Variants in DOK6 observed in about 807,000 individuals in gnomAD.
DOK6 encodes downstream of tyrosine kinase 6.
In DOK6, 22 loss-of-function variants were observed where a neutral mutation model predicts 44.0. That is an observed-to-expected ratio of 0.50 (90% CI 0.36 to 0.71). The LOEUF (loss-of-function observed/expected upper bound fraction) is 0.71, where lower values mean the gene tolerates loss of function less well. DOK6 is among the 30% of genes least tolerant of loss of function. The pLI is 0.00. For synonymous variants in DOK6, 166 were observed against 145.5 expected (o/e 1.14, Z -1.01); for missense variants, 340 against 416.4 (o/e 0.82, Z 1.60).
At position 69,599,565 on chromosome 18, in the gene DOK6, G is replaced by C. The variant is rs1250474387; in HGVS notation, c.289+67G>C. The stretch of plus-strand genomic sequence containing the variant: ...TGCTTGTGAGACAATGGCCCAGGCG[G>C]ATTAAGGTACACTATTGAACAGGAT... On this transcript the variant is annotated intron_variant, in intron 3 of 7. Coordinates refer to ENST00000382713, the MANE Select transcript of DOK6 (RefSeq NM_152721.6). The C allele has an allele frequency of 3.1e-6, 4 of 1,311,018 alleles. No homozygotes were observed. In the Admixed American group the frequency reaches 7.2e-5, roughly 24 times the overall value. The allele number at this position is 1,311,018 out of a possible 1,614,324, so 81.2% of individuals were successfully genotyped here. A position where few individuals can be genotyped will look rare whatever the true frequency, so the allele number is the denominator to read the frequency against.
intron 5 of DOK6, among the ~76,000 whole-genome samples, chr18:69,713,736 G>T (rs186148833): frequency 1.8e-4 from 27 of 152,102 alleles, no homozygotes; most frequent in African/African-American, 6.0e-4. Context: ...TTACTCAAAG[G>T]GGTGCTGGAT....
At chr18:69,527,274 A>T (rs1981856098) in intron 1 of DOK6, among the ~76,000 whole-genome samples, 1 of 152,214 alleles carries the variant, frequency 6.6e-6, no homozygotes, top group African/African-American at 2.4e-5. Context: ...TGCTATGAAG[A>T]AACACCTGAG....
chr18:69,668,684 C>G (rs144141147), intron 3 of DOK6, among the ~76,000 whole-genome samples: 31 of 152,128 alleles, frequency 2.0e-4, no homozygotes, highest in African/African-American at 7.2e-4. Context: ...TTTGTGATAT[C>G]GGGATGATGT....
At chr18:69,713,118 G>A (rs1298555198) in intron 5 of DOK6, among the ~76,000 whole-genome samples, 1 of 152,158 alleles carries the variant, frequency 6.6e-6, no homozygotes, top group East Asian at 1.9e-4. Context: ...TATTCAGGAC[G>A]CCCAGATCAC....
intron 6 of DOK6, among the ~76,000 whole-genome samples, chr18:69,751,521 GA>G (rs1419831618): frequency 1.3e-5 from 2 of 152,112 alleles, no homozygotes; most frequent in Non-Finnish European, 2.9e-5. Flanking sequence ...AATGCAGAGT[GA>G]ATAGTGTTTA....
At chr18:69,477,668 T>C (rs980403334) in intron 1 of DOK6, among the ~76,000 whole-genome samples, 8 of 152,236 alleles carry the variant, frequency 5.3e-5, no homozygotes, top group Non-Finnish European at 1.2e-4. Flanking sequence ...CAATTCTTGT[T>C]TTTGGTTAGG....
chr18:69,504,020 A>C (rs1049939599), intron 1 of DOK6, among the ~76,000 whole-genome samples: 1 of 152,058 alleles, frequency 6.6e-6, no homozygotes, highest in Non-Finnish European at 1.5e-5. Flanking sequence ...ATCCTCAGCT[A>C]TATCTTCTTA....
chr18:69,733,027 T>C (rs1040708006), intron 5 of DOK6, among the ~76,000 whole-genome samples: 3 of 152,190 alleles, frequency 2.0e-5, no homozygotes, highest in Admixed American at 1.3e-4. Flanking sequence ...TGTCTTACCA[T>C]GGTGGAGCAG....
At chr18:69,616,288 C>T (rs1443071335) in intron 3 of DOK6, among the ~76,000 whole-genome samples, 5 of 152,252 alleles carry the variant, frequency 3.3e-5, no homozygotes, top group Admixed American at 6.5e-5. Flanking sequence ...TGCTCTGCGT[C>T]GGTGTCCGTG....
intron 1 of DOK6, among the ~76,000 whole-genome samples, chr18:69,501,671 T>C (rs1981053470): frequency 6.6e-6 from 1 of 152,162 alleles, no homozygotes; most frequent in Non-Finnish European, 1.5e-5. Context: ...ACATGGAACC[T>C]CTTTAGCTTT....
chr18:69,467,885 T>A (rs774266519), intron 1 of DOK6, among the ~76,000 whole-genome samples: 1 of 152,142 alleles, frequency 6.6e-6, no homozygotes, highest in Non-Finnish European at 1.5e-5. Context: ...GACAACACAG[T>A]TTCCAAAGGG....
At chr18:69,504,107 G>T (rs1981120053) in intron 1 of DOK6, among the ~76,000 whole-genome samples, 1 of 151,894 alleles carries the variant, frequency 6.6e-6, no homozygotes, top group Non-Finnish European at 1.5e-5. Flanking sequence ...TAGTTGTCTA[G>T]TCTGAGAGTT....
At chr18:69,781,515 A>C (rs1358621261) in intron 7 of DOK6, 2 of 152,186 alleles carry the variant, frequency 1.3e-5, no homozygotes, top group Admixed American at 1.3e-4. Flanking sequence ...AAACGTATGA[A>C]TATGCCAAGT....
chr18:69,522,660 C>T (rs1234779559), intron 1 of DOK6, among the ~76,000 whole-genome samples: 1 of 152,018 alleles, frequency 6.6e-6, no homozygotes, highest in Non-Finnish European at 1.5e-5. Context: ...TTTAAACCAT[C>T]CTTCTACATT....
intron 5 of DOK6, among the ~76,000 whole-genome samples, chr18:69,728,907 C>G (rs1978327654): frequency 6.6e-6 from 1 of 152,130 alleles, no homozygotes; most frequent in South Asian, 2.1e-4. Flanking sequence ...TTTGATCTCT[C>G]AAGAACCACC....
intron 7 of DOK6, among the ~76,000 whole-genome samples, chr18:69,774,304 A>T (rs990293374): frequency 1.3e-5 from 2 of 151,418 alleles, no homozygotes; most frequent in African/African-American, 4.8e-5. Context: ...GAGCTAAGCT[A>T]TGAGGATGCA....
At position 69,724,367 on chromosome 18, in the gene DOK6, G is replaced by A. The variant is rs560804731; in HGVS notation, c.600-14598G>A. 2.7e-4 allele frequency among the ~76,000 whole-genome samples: 41 copies of A among 152,264 alleles called. No homozygotes were observed. The South Asian group carries it at 3.9e-3, about 15-fold the overall frequency. On this transcript the variant is annotated intron_variant, in intron 5 of 7. Transcript: ENST00000382713. ...CAATCTTTTGTTCATAGAGAAGATAGCATTGAAAATGAACATTTCATGGAG... is the reference window on the plus strand; with the variant it reads ...CAATCTTTTGTTCATAGAGAAGATAACATTGAAAATGAACATTTCATGGAG...
intron 3 of DOK6, among the ~76,000 whole-genome samples, chr18:69,627,635 GA>G (rs1319863644): frequency 6.6e-6 from 1 of 151,994 alleles, no homozygotes; most frequent in Admixed American, 6.6e-5. Context: ...ATTTTTAGTA[GA>G]GACGGGGTTT....
chr18:69,807,649 T>C (rs773091773), intron 7 of DOK6, among the ~76,000 whole-genome samples: 97 of 152,014 alleles, frequency 6.4e-4, no homozygotes, highest in Non-Finnish European at 1.0e-3. Context: ...TAGCTATACA[T>C]GTATCATATA....
Sources: allele counts gnomAD v4.1 joint callset (sites outside exome capture counted in the v4.1 genomes callset), GRCh38; gene constraint gnomAD v4.1.1; transcripts MANE v1.5; gene names NCBI Gene and HGNC (gene_info 2026-07-23, HGNC 2026-07-21).